Variants in NCOR1 observed in about 807,000 individuals in gnomAD.
NCOR1 encodes the protein protein phosphatase 1, regulatory subunit 109.
In NCOR1, 63 loss-of-function variants were observed where a neutral mutation model predicts 288.1. That is an observed-to-expected ratio of 0.22 (90% CI 0.18 to 0.27). The LOEUF is 0.27. Ranked by LOEUF, NCOR1 falls within the 10% of genes least tolerant of loss-of-function variation. The probability of loss-of-function intolerance (pLI) is 1.00; values close to 1 mark genes in which losing one functional copy is unlikely to be tolerated. For missense variants in NCOR1, 2,397 were observed against 3,019.2 expected (o/e 0.79, Z 4.83); for synonymous variants, 1,007 against 1,065.9 (o/e 0.94, Z 1.08).
At chr17:16,161,667 T>C (rs1266197024) in intron 5 of NCOR1, among the ~76,000 whole-genome samples, 1 of 152,232 alleles carries the variant, frequency 6.6e-6, no homozygotes, top group Non-Finnish European at 1.5e-5. Flanking sequence ...TGAAATTTTA[T>C]TGAAATTGTG....
chr17:16,040,426 TC>T lies in NCOR1; in HGVS notation c.6733+14del. On this transcript the variant is annotated intron_variant, in intron 43 of 45. Coordinates refer to ENST00000268712, the MANE Select transcript of NCOR1 (RefSeq NM_006311.4). ...GCCAATTTTGTATTGGTAAATAATGTCTTTTCAATCTTACCTGACGTAGTAA... is the reference window on the plus strand; with the variant it reads ...GCCAATTTTGTATTGGTAAATAATGTTTTTCAATCTTACCTGACGTAGTAA... The T allele has an allele frequency of 5.0e-6, 8 of 1,612,120 alleles. No individual in the cohort carries two copies. The Middle Eastern group carries it at 9.9e-4, about 200-fold the overall frequency.
intron 13 of NCOR1, 61 bp downstream of exon 13, chr17:16,138,097 G>T: frequency 7.1e-7 from 1 of 1,407,074 alleles, no homozygotes; most frequent in Non-Finnish European, 1.0e-6. Context: ...CAGAGCACAA[G>T]AATTTCAAAG....
In NCOR1 at chr17:16,048,732, C is replaced by T. The variant is rs2058963298; in HGVS notation, c.6536+113G>A. On this transcript the variant is annotated intron_variant, in intron 41 of 45. Transcript: ENST00000268712. The stretch of plus-strand genomic sequence containing the variant: ...AGAGACAAATGATCCTCTAAGAATG[C>T]CATCCAGACATAAAAGCCCAAAGTT... 4.4e-6 allele frequency: 5 copies of T among 1,147,884 alleles called. No homozygotes were observed. In the East Asian group the frequency reaches 1.4e-4, roughly 31 times the overall value. The allele number at this position is 1,147,884 out of a possible 1,614,324, so 71.1% of individuals were successfully genotyped here. A position where few individuals can be genotyped will look rare whatever the true frequency, so the allele number is the denominator to read the frequency against.
intron 38 of NCOR1, 140 bp from the exon 39 acceptor site, chr17:16,058,204 GA>G (rs1057511817): frequency 1.1e-3 from 1,054 of 962,436 alleles, no homozygotes; most frequent in South Asian, 1.8e-3. Flanking sequence ...TAATTTTGGA[GA>G]AAAAAAAAAT....
chr17:16,132,332 G>A (rs774616133), intron 14 of NCOR1, among the ~76,000 whole-genome samples: 5 of 152,114 alleles, frequency 3.3e-5, no homozygotes, highest in Non-Finnish European at 7.3e-5. Flanking sequence ...CTTACCAGAT[G>A]GCAGTTTATG....
intron 9 of NCOR1, 113 bp from the exon 10 acceptor site, chr17:16,146,661 C>A: frequency 1.0e-6 from 1 of 975,538 alleles, no homozygotes; most frequent in Non-Finnish European, 1.4e-6. Context: ...GTACATTTGG[C>A]TTATGACTCA....
At chr17:16,129,695 T>C (rs146069048) in intron 14 of NCOR1, among the ~76,000 whole-genome samples, 40 of 152,310 alleles carry the variant, frequency 2.6e-4, no homozygotes, top group Middle Eastern at 3.4e-3. Context: ...TAAGATGGCA[T>C]AGTAAGGACA....
intron 38 of NCOR1, 123 bp downstream of exon 38, chr17:16,058,348 C>T: frequency 8.0e-7 from 1 of 1,245,884 alleles, no homozygotes; most frequent in Non-Finnish European, 1.1e-6. Context: ...AAAGAAGGCT[C>T]ATGTAAGATT....
At chr17:16,152,310 C>T (rs182096817) in intron 7 of NCOR1, among the ~76,000 whole-genome samples, 1 of 152,208 alleles carries the variant, frequency 6.6e-6, no homozygotes, top group African/African-American at 2.4e-5. Flanking sequence ...CCCCATGCCC[C>T]ACCCCCTGAC....
chr17:16,068,333 C>T (rs942162216), intron 31 of NCOR1: 17 of 539,274 alleles, frequency 3.2e-5, no homozygotes, highest in Middle Eastern at 1.0e-3. Context: ...TTGGAGAGTA[C>T]TGTCACCTTT....
intron 40 of NCOR1, chr17:16,057,051 C>T (rs2060016030): frequency 6.5e-6 from 1 of 154,368 alleles, no homozygotes; most frequent in South Asian, 2.0e-4. Context: ...CCAGGCTGGT[C>T]TCAAATTCCT....
chr17:16,171,867 G>C lies in NCOR1; in HGVS notation c.371C>G (p.Ala124Gly). 6.2e-7 allele frequency: 1 copy of C among 1,613,428 alleles called. No homozygotes were observed. The highest frequency in any genetic ancestry group is 1.1e-5 in the South Asian group (1 of 90,928). The change falls in exon 4 of 46, where the codon GCT becomes GGT. Residue 124 changes from alanine (A) to glycine (G), a missense_variant. This residue lies in a region of NCOR1 where 110 missense variants were observed against 123.2 expected (regional missense o/e 0.89). Transcript: ENST00000268712. ...CGGGTGCACTAAAGGCAAAACCGCA[G>C]CACTGACACGCTGAAAATGAGAATC... ...VSDSHFQRVS[A>G]AVLPLVHPLP...
chr17:16,104,207 C>T (rs1406141248), intron 19 of NCOR1, among the ~76,000 whole-genome samples: 5 of 151,974 alleles, frequency 3.3e-5, no homozygotes, highest in Non-Finnish European at 5.9e-5. Context: ...GCCTGGTACA[C>T]AGTAGACTCA....
chr17:16,176,483 G>T (rs769742427), intron 3 of NCOR1, among the ~76,000 whole-genome samples: 1 of 152,022 alleles, frequency 6.6e-6, no homozygotes, highest in Non-Finnish European at 1.5e-5. Flanking sequence ...TGGCCAGGCT[G>T]GTCTCGAACT....
chr17:16,207,654 T>C (rs981256865), intron 1 of NCOR1, among the ~76,000 whole-genome samples: 3 of 147,180 alleles, frequency 2.0e-5, no homozygotes, highest in Admixed American at 7.0e-5. Flanking sequence ...GGCAGGAGAA[T>C]GGTGTGAACC....
intron 1 of NCOR1, among the ~76,000 whole-genome samples, chr17:16,196,021 T>A (rs1308240507): frequency 1.3e-5 from 2 of 151,354 alleles, no homozygotes; most frequent in African/African-American, 4.8e-5. Flanking sequence ...TATACACATA[T>A]ACACACGTGC....
rs114418901 is a variant in NCOR1 at position 16,096,837 on chromosome 17, A to T, written c.2820+1530T>A. 4.1e-3 allele frequency among the ~76,000 whole-genome samples: 622 copies of T among 152,344 alleles called. 6 individuals carry two copies. Among genetic ancestry groups the T allele is most frequent in the African/African-American group, 0.014 (600 of 41,574 alleles). Reference sequence around the variant, plus strand: ...ACCAAGGTGCTAAAATCAAGGGCTGACCATACAGGTACTAGTCACAATAGT... The same window carrying T: ...ACCAAGGTGCTAAAATCAAGGGCTGTCCATACAGGTACTAGTCACAATAGT... On this transcript the variant is annotated intron_variant, in intron 21 of 45. Transcript: ENST00000268712.
intron 18 of NCOR1, among the ~76,000 whole-genome samples, chr17:16,115,101 C>T (rs2071302560): frequency 6.6e-6 from 1 of 152,180 alleles, no homozygotes; most frequent in African/African-American, 2.4e-5. Flanking sequence ...ACAGGCTCAA[C>T]ACCATATGGA....
chr17:16,058,411 T>C (rs2060170668), intron 38 of NCOR1, 60 bp downstream of exon 38: 2 of 1,585,936 alleles, frequency 1.3e-6, no homozygotes, highest in African/African-American at 2.7e-5. Context: ...GACAGATAAT[T>C]AGAAGCAAAT....
Sources: allele counts gnomAD v4.1 joint callset (sites outside exome capture counted in the v4.1 genomes callset), GRCh38; gene constraint gnomAD v4.1.1; regional missense constraint gnomAD v4.1.1; transcripts MANE v1.5; gene names NCBI Gene and HGNC (gene_info 2026-07-23, HGNC 2026-07-21).